MUC12: variants seen among roughly 807,000 people sequenced by gnomAD.
The protein encoded by MUC12 is mucin-12.
In MUC12, 172 loss-of-function variants were observed where a neutral mutation model predicts 230.8. The observed-to-expected ratio is 0.75, with a 90% CI of 0.66 to 0.85. The LOEUF (loss-of-function observed/expected upper bound fraction) is 0.85, where lower values mean the gene tolerates loss of function less well. MUC12 is among the 40% of genes least tolerant of loss of function. The pLI, the probability that MUC12 is intolerant of heterozygous loss-of-function variation, is 0.00. For missense variants in MUC12, 3,506 were observed against 5,920.6 expected (o/e 0.59, Z 13.38); for synonymous variants, 1,259 against 2,401.9 (o/e 0.52, Z 13.91).
rs1368847188 is a variant in MUC12, at chr7:100,990,820, G to A, written c.257G>A (p.Ser86Asn). ...GHSEESTVSH[S>N]GPGATGTTLF... Reference sequence around the variant, plus strand: ...AGTGAGGAATCAACAGTATCCCACAGCGGCCCAGGTGCAACTGGAACAACA... The same window carrying A: ...AGTGAGGAATCAACAGTATCCCACAACGGCCCAGGTGCAACTGGAACAACA... Residue 86 changes from serine (S) to asparagine (N), a missense_variant, in exon 2 of 12, where the codon AGC becomes AAC. Transcript: ENST00000536621. 4 of 1,537,660 alleles carry A rather than the reference G, an allele frequency of 2.6e-6. No homozygotes were observed. In the African/African-American group the frequency reaches 4.1e-5, roughly 16 times the overall value.
At chr7:100,977,554 C>T (rs6975665) in intron 1 of MUC12, among the ~76,000 whole-genome samples, 85,984 of 151,770 alleles carry the variant, frequency 0.57, 24,646 homozygotes, top group Non-Finnish European at 0.61. Flanking sequence ...TTAGTAGAGA[C>T]GGGGTTTCAC....
rs1476028445 is a variant in MUC12 at position 101,013,148 on chromosome 7, T to C, written c.15638+6T>C. On this transcript the variant is annotated splice_donor_region_variant and intron_variant, in intron 8 of 11. Coordinates refer to ENST00000536621, the MANE Select transcript of MUC12 (RefSeq NM_001164462.2). ...CGCAGTGGCCCCCGCTGCCTGTGAGTGTCCCCATAAGCCCAGCACCCACTC... is the reference window on the plus strand; with the variant it reads ...CGCAGTGGCCCCCGCTGCCTGTGAGCGTCCCCATAAGCCCAGCACCCACTC... 4 of 1,537,082 alleles carry C rather than the reference T, an allele frequency of 2.6e-6. No individual in the cohort carries two copies. In the East Asian group the frequency reaches 7.3e-5, roughly 28 times the overall value.
At position 101,004,814 on chromosome 7, in the gene MUC12, A is replaced by C. The variant is rs1477433625; in HGVS notation, c.14251A>C (p.Thr4751Pro). 1.3e-6 allele frequency: 2 copies of C among 1,537,580 alleles called. No individual in the cohort carries two copies. Among genetic ancestry groups the C allele is most frequent in the South Asian group, 2.4e-5 (2 of 84,050 alleles). ...LYSSSRSPDQ[T>P]LSPASMTSSS... ...CAGTAGCTCCAGATCACCAGACCAA[A>C]CACTCTCACCTGCCAGCATGACAAG... is the stretch of plus-strand genomic sequence containing the variant. The change falls in exon 2 of 12, where the codon ACA becomes CCA. Residue 4751 changes from threonine (T) to proline (P), a missense_variant. By Grantham distance (38) the Thr-to-Pro change is conservative. Coordinates refer to ENST00000536621, the MANE Select transcript of MUC12 (RefSeq NM_001164462.2).
chr7:100,971,756 A>T (rs1227152030), intron 1 of MUC12, among the ~76,000 whole-genome samples: 1 of 152,306 alleles, frequency 6.6e-6, no homozygotes, highest in Non-Finnish European at 1.5e-5. Context: ...GGTCCTCCCC[A>T]TCCCTGCTCC....
chr7:100,991,082 C>A lies in MUC12; in HGVS notation c.519C>A (p.Gly173=). The change falls in exon 2 of 12, where the codon GGC becomes GGA. Residue 173 remains glycine (G), a synonymous_variant. Coordinates refer to ENST00000536621, the MANE Select transcript of MUC12 (RefSeq NM_001164462.2). ...EKSTTSHSRP[G]PTHTIAFPDS... ...CAACCACCTCCCACAGCCGACCAGG[C>A]CCAACGCACACAATAGCGTTCCCTG... The A allele has an allele frequency of 6.5e-7, 1 of 1,537,210 alleles. No individual in the cohort carries two copies.
chr7:100,988,374 A>G (rs1487661822), intron 1 of MUC12, among the ~76,000 whole-genome samples: 5 of 150,528 alleles, frequency 3.3e-5, no homozygotes, highest in South Asian at 2.1e-4. Flanking sequence ...TGCTTTTGCC[A>G]TGTGACCAGC....
chr7:101,006,636 C>A, intron 3 of MUC12, 64 bp downstream of exon 3: 1 of 1,160,634 alleles, frequency 8.6e-7, no homozygotes, highest in Non-Finnish European at 1.2e-6. Flanking sequence ...AACAGCATGG[C>A]AGTGTTGGAA....
At position 101,004,995 on chromosome 7, in the gene MUC12, GCAGCAT is replaced by G. The variant is rs1231646099; in HGVS notation, c.14435_14440del (p.Ser4812_Ile4813del). On this transcript the variant is annotated inframe_deletion, in exon 2 of 12. Coordinates refer to ENST00000536621, the MANE Select transcript of MUC12 (RefSeq NM_001164462.2). ...TCAACTGAGACAACACTGTCCCCTG[GCAGCAT>G]CACAACTTCATCTTTTGCTCAAGAA... 3.9e-6 allele frequency: 6 copies of G among 1,537,334 alleles called. No homozygotes were observed. The East Asian group carries it at 1.5e-4, about 38-fold the overall frequency.
At position 100,991,588 on chromosome 7, in the gene MUC12, C is replaced by A. The variant is rs1465045308; in HGVS notation, c.1025C>A (p.Thr342Lys). Residue 342 changes from threonine to lysine, a missense_variant, in exon 2 of 12, where the codon ACA becomes AAA. By Grantham distance (78) the Thr-to-Lys change is moderately conservative. Transcript: ENST00000536621. ...PVHSSPVATATTPPPARSATS... is the reference protein window; with the variant it reads ...PVHSSPVATAKTPPPARSATS... ...CACAGCAGCCCAGTTGCAACTGCAA[C>A]AACACCCCCACCTGCCCGCTCCGCG... The A allele has an allele frequency of 3.3e-6, 5 of 1,536,874 alleles. No individual in the cohort carries two copies. Among genetic ancestry groups the A allele is most frequent in the Non-Finnish European group, 4.4e-6 (5 of 1,146,450 alleles).
chr7:100,973,746 G>A (rs1199526764), intron 1 of MUC12, among the ~76,000 whole-genome samples: 1 of 152,206 alleles, frequency 6.6e-6, no homozygotes, highest in Admixed American at 6.5e-5. Flanking sequence ...GACTAAGACA[G>A]GCTGCCTTCA....
chr7:100,975,270 T>C (rs557703154), intron 1 of MUC12, among the ~76,000 whole-genome samples: 1 of 152,426 alleles, frequency 6.6e-6, no homozygotes, highest in African/African-American at 2.4e-5. Context: ...GGGGATGGGC[T>C]AGGGGAGAGG....
chr7:100,974,825 A>AATAAT (rs1792992551), intron 1 of MUC12, among the ~76,000 whole-genome samples: 1 of 151,588 alleles, frequency 6.6e-6, no homozygotes, highest in Admixed American at 6.6e-5. Context: ...ACCTTGTCTC[A>AATAAT]AATAATAATA....
In MUC12 at chr7:101,006,549, C is replaced by A. The variant is rs1256858236; in HGVS notation, c.15035C>A (p.Ser5012Tyr). ...GGCTACGTTGGTTACCAGTGCTTGTCCCCTCTGGAATCCTTCCCTGTAGGT... is the reference window on the plus strand; with the variant it reads ...GGCTACGTTGGTTACCAGTGCTTGTACCCTCTGGAATCCTTCCCTGTAGGT... ...PQGYVGYQCL[S>Y]PLESFPVETP... is the part of the protein sequence containing the mutation. Residue 5012 changes from serine (S) to tyrosine (Y), a missense_variant, in exon 3 of 12, where the codon TCC (serine) becomes TAC (tyrosine). Transcript: ENST00000536621. 1 of 1,536,982 alleles carries A rather than the reference C, an allele frequency of 6.5e-7. No homozygotes were observed. Among genetic ancestry groups the A allele is most frequent in the Non-Finnish European group, 8.7e-7 (1 of 1,146,674 alleles).
At position 100,995,464 on chromosome 7, in the gene MUC12, C is replaced by G. The variant is rs1361337834; in HGVS notation, c.4901C>G (p.Thr1634Ser). The G allele has an allele frequency of 2.6e-6, 4 of 1,526,048 alleles. No homozygotes were observed. Among genetic ancestry groups the G allele is most frequent in the African/African-American group, 2.9e-5 (2 of 69,894 alleles). 94.5% of individuals were successfully genotyped at this position (1,526,048 alleles called of 1,614,324 possible). The part of the protein sequence containing the change: ...TASSLGPEST[T>S]FHSSPGSTET... ...TCATCCCTTGGTCCAGAATCTACTA[C>G]TTTCCACAGCAGCCCAGGCTCCACT... Residue 1634 changes from threonine to serine, a missense_variant, in exon 2 of 12, where the codon ACT becomes AGT. Coordinates refer to ENST00000536621, the MANE Select transcript of MUC12 (RefSeq NM_001164462.2).
intron 9 of MUC12, chr7:101,015,226 T>C (rs1037909876): frequency 5.6e-5 from 13 of 230,474 alleles, no homozygotes; most frequent in African/African-American, 2.3e-4. Context: ...CAGCACCACA[T>C]GGGGAAGCTG....
At chr7:100,969,804 G>T (rs1792814307) in intron 1 of MUC12, 115 bp downstream of exon 1, 1 of 1,436,236 alleles carries the variant, frequency 7.0e-7, no homozygotes. Flanking sequence ...ATGGCAAGGG[G>T]CTGCCACAGG....
Position 100,991,677 on chromosome 7 carries a change from C to A in MUC12, c.1114C>A (p.His372Asn). The A allele has an allele frequency of 6.5e-7, 1 of 1,537,652 alleles. No homozygotes were observed. Among genetic ancestry groups the A allele is most frequent in the African/African-American group, 1.4e-5 (1 of 73,174 alleles). The change falls in exon 2 of 12, where the codon CAC becomes AAC. Residue 372 changes from histidine to asparagine, a missense_variant. Transcript: ENST00000536621. ...HRSPGSTQTM[H>N]FPESSTTSGH... is the part of the protein sequence containing the mutation. ...GAGCCCGGGCTCAACTCAAACAATGCACTTCCCTGAAAGCTCCACAACTTC... is the reference window on the plus strand; with the variant it reads ...GAGCCCGGGCTCAACTCAAACAATGAACTTCCCTGAAAGCTCCACAACTTC...
intron 2 of MUC12, among the ~76,000 whole-genome samples, chr7:101,005,793 TCTC>T (rs1175091799): frequency 9.9e-6 from 1 of 100,850 alleles, no homozygotes; most frequent in Non-Finnish European, 1.9e-5. Context: ...GAACCCCTCT[TCTC>T]TGGATTTTTT....
In MUC12 at chr7:100,992,849, C is replaced by G; in HGVS notation, c.2286C>G (p.Gly762=). The G allele has an allele frequency of 1.3e-6, 2 of 1,537,756 alleles. No individual in the cohort carries two copies. Among genetic ancestry groups the G allele is most frequent in the African/African-American group, 2.7e-5 (2 of 73,046 alleles). ...TCCCTGACAGCTCCACAACCTCAGG[C>G]CGTAGTGAGGAATCAACAGCATCGC... is the stretch of plus-strand genomic sequence containing the variant. The part of the protein sequence containing the change: ...THFPDSSTTS[G]RSEESTASHS... Residue 762 remains glycine (G), a synonymous_variant, in exon 2 of 12, where the codon GGC becomes GGG. Coordinates refer to ENST00000536621, the MANE Select transcript of MUC12 (RefSeq NM_001164462.2).
Sources: gnomAD v4.1 joint callset for allele counts (sites outside exome capture counted in the v4.1 genomes callset) on GRCh38, gnomAD v4.1.1 for gene constraint, MANE v1.5 for transcripts, NCBI Gene and HGNC (gene_info 2026-07-23, HGNC 2026-07-21) for gene names.